The following PCDH19 variants were observed in gnomAD, a reference collection of about 807,000 sequenced individuals.
PCDH19 encodes the protein protocadherin 19.
Under a neutral mutation model 46.2 loss-of-function variants are expected in PCDH19, and 6 were observed. The observed-to-expected ratio is 0.13, with a 90% CI of 0.07 to 0.26. PCDH19 has a LOEUF of 0.26. Among genes scored for constraint, PCDH19 ranks in the 10% least tolerant of loss-of-function variants. PCDH19 has a pLI of 1.00. For missense variants in PCDH19, 740 were observed against 972.3 expected (o/e 0.76, Z 3.18); for synonymous variants, 481 against 415.7 (o/e 1.16, Z -1.91).
At chrX:100,386,396 G>C (rs1927718070) in intron 3 of PCDH19, among the ~76,000 whole-genome samples, 1 of 111,721 alleles carries the variant, frequency 9.0e-6, no homozygotes, top group Non-Finnish European at 1.9e-5. Flanking sequence ...AATAGAATTT[G>C]AATTCAATAA....
At chrX:100,403,399 C>T in intron 2 of PCDH19, 125 bp downstream of exon 2, 4 of 596,252 alleles carry the variant, frequency 6.7e-6, no homozygotes, top group Non-Finnish European at 1.1e-5. Context: ...CCCATTCTTT[C>T]GCGTCTCCTC....
At chrX:100,301,927 C>A (rs73548969) in intron 5 of PCDH19, among the ~76,000 whole-genome samples, 26,885 of 111,421 alleles carry the variant, frequency 0.24, 2,782 homozygotes, top group Middle Eastern at 0.49. Context: ...TTCACAGGCT[C>A]CCTTGCAGAC....
rs1342339735 is a variant in PCDH19 at position 100,409,320 on chromosome X, G to A, written c.-723C>T. The A allele has an allele frequency of 8.9e-6, 1 of 111,913 alleles. No homozygotes were observed. The highest frequency in any genetic ancestry group is 1.9e-5 in the Non-Finnish European group (1 of 53,178). The allele number at this position is 111,913 out of a possible 1,213,427, so 9.2% of individuals were successfully genotyped here. On this transcript the variant is annotated 5_prime_UTR_variant, in exon 1 of 6. Transcript: ENST00000373034. ...GGATGGCGGTCCCGGGGCCAGCAGA[G>A]GAAGGGGGAGGGGAGAGAGGCTGCC...
At position 100,407,747 on chromosome X, in the gene PCDH19, C is replaced by T. The variant is rs749526030; in HGVS notation, c.851G>A (p.Arg284His). ...VYSFYGYVND[R>H]TRELFQIDPH... is the part of the protein sequence containing the mutation. ...GTCGATCTGAAAGAGCTCGCGCGTG[C>T]GGTCGTTGACGTAGCCATAGAAGGA... Residue 284 changes from arginine (R) to histidine (H), a missense_variant, in exon 1 of 6, where the codon CGC becomes CAC. Arg to His is a conservative substitution (Grantham distance 29). This residue lies in a region of PCDH19 where 186 missense variants were observed against 319.9 expected (regional missense o/e 0.58). Coordinates refer to ENST00000373034, the MANE Select transcript of PCDH19 (RefSeq NM_001184880.2). 6 of 1,211,005 alleles carry T rather than the reference C, an allele frequency of 5.0e-6. No homozygotes were observed. The African/African-American group carries it at 5.2e-5, about 11-fold the overall frequency.
At chrX:100,302,563 T>C (rs1009235231) in intron 5 of PCDH19, among the ~76,000 whole-genome samples, 1 of 112,351 alleles carries the variant, frequency 8.9e-6, no homozygotes, top group African/African-American at 3.2e-5. Context: ...CCACAAAATG[T>C]GAATAGAAAA....
At chrX:100,383,147 T>C (rs1602621108) in intron 3 of PCDH19, among the ~76,000 whole-genome samples, 1 of 112,109 alleles carries the variant, frequency 8.9e-6, no homozygotes, top group Non-Finnish European at 1.9e-5. Context: ...ATAATAGTAA[T>C]AGCTACTTAA....
chrX:100,323,370 C>G (rs1406464636), intron 5 of PCDH19, among the ~76,000 whole-genome samples: 2 of 111,811 alleles, frequency 1.8e-5, no homozygotes, highest in Non-Finnish European at 3.8e-5. Flanking sequence ...CCTTTCATAA[C>G]AGGAATGAAA....
In PCDH19 at chrX:100,309,154, GCACA is replaced by G. The variant is rs55663829; in HGVS notation, c.2849-12283_2849-12280del. Among the ~76,000 whole-genome samples the G allele has an allele frequency of 1.1e-4, 9 of 81,754 alleles. No individual in the cohort carries two copies. The East Asian group carries it at 1.4e-3, about 13-fold the overall frequency. The allele number at this position is 81,754 out of a possible 115,157, so 71.0% of individuals were successfully genotyped here. A position where few individuals can be genotyped will look rare whatever the true frequency, so the allele number is the denominator to read the frequency against. The stretch of plus-strand genomic sequence containing the variant: ...AGAGGATACAGAAAATGTGATGCAT[GCACA>G]CACACACACACACACACACACACCA... On this transcript the variant is annotated intron_variant, in intron 5 of 5. Transcript: ENST00000373034.
chrX:100,404,591 T>G (rs1166900980), intron 1 of PCDH19, among the ~76,000 whole-genome samples: 2 of 103,036 alleles, frequency 1.9e-5, no homozygotes, highest in African/African-American at 7.1e-5. Context: ...TGGGTGAAGT[T>G]GGAGAGCACT....
intron 5 of PCDH19, among the ~76,000 whole-genome samples, chrX:100,300,634 C>T (rs1924745970): frequency 1.8e-5 from 2 of 111,559 alleles, no homozygotes; most frequent in Admixed American, 9.5e-5. Flanking sequence ...TAAACATACT[C>T]ATGATGAGGG....
At position 100,408,538 on chromosome X, in the gene PCDH19, G is replaced by A. The variant is rs2147542847; in HGVS notation, c.60C>T (p.Ala20=). The A allele has an allele frequency of 8.4e-7, 1 of 1,196,928 alleles. No individual in the cohort carries two copies. Among genetic ancestry groups the A allele is most frequent in the East Asian group, 3.0e-5 (1 of 33,350 alleles). Reference sequence around the variant, plus strand: ...CCGAGTACTTGAGATTAATGAGGGCGGCAGCCTGCGTCCACAGTATGGCCA... The same window carrying A: ...CCGAGTACTTGAGATTAATGAGGGCAGCAGCCTGCGTCCACAGTATGGCCA... ...LLLAILWTQA[A]ALINLKYSVE... Residue 20 remains alanine (A), a synonymous_variant, in exon 1 of 6, where the codon GCC becomes GCT. Coordinates refer to ENST00000373034, the MANE Select transcript of PCDH19 (RefSeq NM_001184880.2).
Position 100,350,651 on chromosome X carries a change from G to A in PCDH19, c.2670C>T (p.Ile890=). 1 of 1,183,501 alleles carries A rather than the reference G, an allele frequency of 8.4e-7. No individual in the cohort carries two copies. Among genetic ancestry groups the A allele is most frequent in the South Asian group, 1.8e-5 (1 of 56,209 alleles). ...AAGCAAGCAAACCAACATACCTCTT[G>A]ATTAAATGGGCTCGGCTATTCACGT... is the stretch of plus-strand genomic sequence containing the variant. ...SNYVNSRAHL[I]KSSSTFKDLE... is the part of the protein sequence containing the mutation. The change falls in exon 4 of 6, where the codon ATC becomes ATT. Residue 890 remains isoleucine, a synonymous_variant. Coordinates refer to ENST00000373034, the MANE Select transcript of PCDH19 (RefSeq NM_001184880.2).
chrX:100,348,739 C>T lies in PCDH19; in HGVS notation c.2675+1907G>A, dbSNP rs1019211451. On this transcript the variant is annotated intron_variant, in intron 4 of 5. Transcript: ENST00000373034. ...ATCAGAGGTTCCCAGTAAGTCTCAA[C>T]GCTGCTGTGGAAATACATGTATCCC... Among the ~76,000 whole-genome samples, 8 of 110,667 alleles carry T rather than the reference C, an allele frequency of 7.2e-5. No individual in the cohort carries two copies. The East Asian group carries it at 1.4e-3, about 20-fold the overall frequency.
chrX:100,371,875 CACACA>C (rs764703583), intron 3 of PCDH19, among the ~76,000 whole-genome samples: 6 of 107,129 alleles, frequency 5.6e-5, no homozygotes, highest in Admixed American at 2.0e-4. Context: ...CACACACACA[CACACA>C]CACCCACACA....
At chrX:100,343,923 T>C (rs1386878702) in intron 4 of PCDH19, among the ~76,000 whole-genome samples, 1 of 111,751 alleles carries the variant, frequency 8.9e-6, no homozygotes, top group Non-Finnish European at 1.9e-5. Flanking sequence ...TCAGCACATA[T>C]AATGAAGAGC....
chrX:100,377,858 A>C (rs942430618), intron 3 of PCDH19, among the ~76,000 whole-genome samples: 1 of 112,182 alleles, frequency 8.9e-6, no homozygotes, highest in Non-Finnish European at 1.9e-5. Flanking sequence ...AAGGCAGCCA[A>C]ATAGGGTTCG....
intron 3 of PCDH19, among the ~76,000 whole-genome samples, chrX:100,396,546 G>T (rs1432734373): frequency 8.9e-6 from 1 of 112,130 alleles, no homozygotes; most frequent in Non-Finnish European, 1.9e-5. Context: ...AAGAGCTCTG[G>T]CTGAGCTCAA....
intron 5 of PCDH19, among the ~76,000 whole-genome samples, chrX:100,330,769 C>A (rs1050063067): frequency 3.6e-5 from 4 of 111,042 alleles, no homozygotes; most frequent in Middle Eastern, 4.6e-3. Flanking sequence ...AAGGCAGTAA[C>A]CTAAAGAGCC....
chrX:100,401,756 T>C (rs1284223956), intron 3 of PCDH19, among the ~76,000 whole-genome samples: 1 of 111,566 alleles, frequency 9.0e-6, no homozygotes, highest in Non-Finnish European at 1.9e-5. Context: ...TCTTACTCTT[T>C]TTTTTTTTCG....
Sources: allele counts gnomAD v4.1 joint callset (sites outside exome capture counted in the v4.1 genomes callset), GRCh38; gene constraint gnomAD v4.1.1; regional missense constraint gnomAD v4.1.1; transcripts MANE v1.5; gene names NCBI Gene and HGNC (gene_info 2026-07-23, HGNC 2026-07-21).